Variants in DENND1A observed in about 807,000 individuals in gnomAD.
The protein encoded by DENND1A is DENN domain containing 1A.
Under a neutral mutation model 113.7 loss-of-function variants are expected in DENND1A, and 51 were observed. The observed-to-expected ratio is 0.45, with a 90% CI of 0.36 to 0.57. The LOEUF is 0.57. Among genes scored for constraint, DENND1A ranks in the 20% least tolerant of loss-of-function variants. The pLI is 0.00. For synonymous variants in DENND1A, 565 were observed against 570.8 expected, an observed-to-expected ratio of 0.99 and a Z score of 0.14; for missense variants, 1,258 against 1,395.9, an observed-to-expected ratio of 0.90 and a Z score of 1.57.
intron 15 of DENND1A, among the ~76,000 whole-genome samples, chr9:123,456,105 T>C (rs941024010): frequency 6.6e-6 from 1 of 152,170 alleles, no homozygotes; most frequent in Admixed American, 6.5e-5. Flanking sequence ...GTAGACTTCA[T>C]GGTGATTTTC....
At chr9:123,818,278 G>T (rs1175500822) in intron 2 of DENND1A, among the ~76,000 whole-genome samples, 1 of 151,602 alleles carries the variant, frequency 6.6e-6, no homozygotes, top group African/African-American at 2.4e-5. Context: ...CTAATTTTTT[G>T]TATTTTTAGT....
At chr9:123,732,665 T>C (rs2068260831) in intron 5 of DENND1A, among the ~76,000 whole-genome samples, 1 of 152,220 alleles carries the variant, frequency 6.6e-6, no homozygotes, top group African/African-American at 2.4e-5. Flanking sequence ...GAAATTTTAC[T>C]GTACACAAAT....
At chr9:123,577,938 C>T (rs1227996641) in intron 12 of DENND1A, among the ~76,000 whole-genome samples, 1 of 152,126 alleles carries the variant, frequency 6.6e-6, no homozygotes, top group Non-Finnish European at 1.5e-5. Flanking sequence ...TTATCATTGT[C>T]CTGAATGACC....
intron 5 of DENND1A, among the ~76,000 whole-genome samples, chr9:123,736,215 G>C (rs2068552401): frequency 6.6e-6 from 1 of 152,218 alleles, no homozygotes; most frequent in African/African-American, 2.4e-5. Flanking sequence ...CACATGACCT[G>C]TAAGAGCTAT....
At chr9:123,490,724 C>T (rs1468860230) in intron 13 of DENND1A, among the ~76,000 whole-genome samples, 1 of 151,022 alleles carries the variant, frequency 6.6e-6, no homozygotes, top group Non-Finnish European at 1.5e-5. Context: ...TTATTTTATA[C>T]AATATATGCT....
In DENND1A at chr9:123,772,522, C is replaced by T. The variant is rs181225078; in HGVS notation, c.133-2959G>A. 2.1e-3 allele frequency among the ~76,000 whole-genome samples: 314 copies of T among 152,304 alleles called. 1 individual carries two copies. The highest frequency in any genetic ancestry group is 3.6e-3 in the Non-Finnish European group (248 of 68,020). On this transcript the variant is annotated intron_variant, in intron 3 of 23. Coordinates refer to ENST00000394215, the MANE Select transcript of DENND1A (RefSeq NM_001352964.2). ...TGCCTACACAAGCTCTTTTAGACAA[C>T]CAGCCTCGGTGCAACTTCAACTACT... is the stretch of plus-strand genomic sequence containing the variant.
rs200724156 is a variant in DENND1A at position 123,594,182 on chromosome 9, CG to C, written c.766-10913del. 3.2e-3 allele frequency among the ~76,000 whole-genome samples: 481 copies of C among 152,320 alleles called. 3 individuals carry two copies. Among genetic ancestry groups the C allele is most frequent in the African/African-American group, 0.011 (457 of 41,556 alleles). Reference sequence around the variant, plus strand: ...TTCTCCAACTGCACTCCTATGGCTACGTATCAGTCCAAGCCACAGCCAATGT... The same window carrying C: ...TTCTCCAACTGCACTCCTATGGCTACTATCAGTCCAAGCCACAGCCAATGT... On this transcript the variant is annotated intron_variant, in intron 11 of 23. Transcript: ENST00000394215.
At chr9:123,750,943 G>A (rs1362733269) in intron 5 of DENND1A, among the ~76,000 whole-genome samples, 1 of 152,142 alleles carries the variant, frequency 6.6e-6, no homozygotes, top group Non-Finnish European at 1.5e-5. Flanking sequence ...CTGCTTTCAA[G>A]GTAAAAATCT....
chr9:123,386,451 G>C (rs1352377139), intron 22 of DENND1A, among the ~76,000 whole-genome samples: 1 of 147,290 alleles, frequency 6.8e-6, no homozygotes, highest in African/African-American at 2.5e-5. Context: ...GTGTGATCTC[G>C]GCTCACTGCA....
intron 10 of DENND1A, among the ~76,000 whole-genome samples, chr9:123,624,179 C>CTTAACAT (rs1167029798): frequency 6.6e-6 from 1 of 152,210 alleles, no homozygotes; most frequent in Non-Finnish European, 1.5e-5. Context: ...TGGGGACATA[C>CTTAACAT]TTAACATTTA....
chr9:123,413,731 T>C (rs774344811), intron 19 of DENND1A: 6 of 985,392 alleles, frequency 6.1e-6, no homozygotes, highest in Non-Finnish European at 7.2e-6. Context: ...AGCTGACAGC[T>C]ACCCGGGAGT....
intron 3 of DENND1A, among the ~76,000 whole-genome samples, chr9:123,773,845 A>G (rs1051540360): frequency 1.3e-5 from 2 of 152,206 alleles, no homozygotes; most frequent in African/African-American, 4.8e-5. Flanking sequence ...CATATTTGCA[A>G]TAGTTCAAAG....
chr9:123,562,249 C>A (rs975696790), intron 12 of DENND1A, among the ~76,000 whole-genome samples: 4 of 152,154 alleles, frequency 2.6e-5, no homozygotes, highest in African/African-American at 9.7e-5. Context: ...ACTTGGATGT[C>A]CAGAAGCACA....
intron 13 of DENND1A, among the ~76,000 whole-genome samples, chr9:123,490,835 G>A (rs1284807448): frequency 6.6e-6 from 1 of 152,190 alleles, no homozygotes; most frequent in African/African-American, 2.4e-5. Flanking sequence ...CGCCTTTGCG[G>A]CACATCTCCC....
chr9:123,651,539 T>C (rs2062657685), intron 9 of DENND1A, among the ~76,000 whole-genome samples: 2 of 152,260 alleles, frequency 1.3e-5, no homozygotes, highest in Admixed American at 6.5e-5. Flanking sequence ...CCCTAAGTCA[T>C]AGCGCTTATC....
chr9:123,872,124 G>C (rs1471632330), intron 2 of DENND1A, among the ~76,000 whole-genome samples: 1 of 152,038 alleles, frequency 6.6e-6, no homozygotes, highest in Non-Finnish European at 1.5e-5. Context: ...TGTAAAGGTA[G>C]GTTCTTAAAC....
rs573635591 is a variant in DENND1A, at chr9:123,500,156, G to T, written c.994-42259C>A. On this transcript the variant is annotated intron_variant, in intron 13 of 23. Coordinates refer to ENST00000394215, the MANE Select transcript of DENND1A (RefSeq NM_001352964.2). ...AATAAAAGTTAAGAAAAGTCTAAAA[G>T]TCACTTATTTTTTCCCAGGTTCCAT... is the stretch of plus-strand genomic sequence containing the variant. 7.5e-3 allele frequency among the ~76,000 whole-genome samples: 1,142 copies of T among 152,286 alleles called. 14 individuals are homozygous for T. Among genetic ancestry groups the T allele is most frequent in the African/African-American group, 0.026 (1,068 of 41,570 alleles).
intron 13 of DENND1A, among the ~76,000 whole-genome samples, chr9:123,477,751 A>AT (rs2050029657): frequency 6.7e-6 from 1 of 149,574 alleles, no homozygotes; most frequent in Non-Finnish European, 1.5e-5. Flanking sequence ...AAAAAAAATA[A>AT]TTAAAAAAAA....
intron 10 of DENND1A, among the ~76,000 whole-genome samples, chr9:123,627,977 T>G (rs1051463860): frequency 2.0e-5 from 3 of 152,044 alleles, no homozygotes; most frequent in Admixed American, 1.3e-4. Flanking sequence ...AAGAACAGGT[T>G]GCAGTATTTT....
Sources: allele counts gnomAD v4.1 joint callset (sites outside exome capture counted in the v4.1 genomes callset), GRCh38; gene constraint gnomAD v4.1.1; transcripts MANE v1.5; gene names NCBI Gene and HGNC (gene_info 2026-07-23, HGNC 2026-07-21).